USF3: variants seen among roughly 807,000 people sequenced by gnomAD.
The protein encoded by USF3 is upstream transcription factor family member 3.
In USF3, 29 loss-of-function variants were observed where a neutral mutation model predicts 157.5. That is an observed-to-expected ratio of 0.18 (90% CI 0.14 to 0.25). The LOEUF (loss-of-function observed/expected upper bound fraction) is 0.25. USF3 is among the 10% of genes least tolerant of loss of function. The pLI, the probability that USF3 is intolerant of heterozygous loss-of-function variation, is 1.00. For missense variants in USF3, 2,381 were observed against 2,667.6 expected (o/e 0.89, Z 2.37); for synonymous variants, 893 against 941.4 (o/e 0.95, Z 0.94).
chr3:113,685,731 C>A (rs1410130864), intron 1 of USF3, among the ~76,000 whole-genome samples: 2 of 152,196 alleles, frequency 1.3e-5, no homozygotes, highest in East Asian at 3.9e-4. Flanking sequence ...TATTCAAAAC[C>A]CAATGGCTCT....
chr3:113,696,096 C>G (rs1296736507), intron 1 of USF3, among the ~76,000 whole-genome samples: 4 of 152,220 alleles, frequency 2.6e-5, no homozygotes, highest in African/African-American at 4.8e-5. Context: ...CATCTAGGAG[C>G]TGGGGCGCAG....
At chr3:113,668,462 C>CAAAAAAA (rs1250260399) in intron 5 of USF3, among the ~76,000 whole-genome samples, 1 of 123,776 alleles carries the variant, frequency 8.1e-6, no homozygotes, top group Non-Finnish European at 1.8e-5. Context: ...AGCTATCCCA[C>CAAAAAAA]AAAAAAAAAA....
At position 113,659,002 on chromosome 3, in the gene USF3, G is replaced by C; in HGVS notation, c.2680C>G (p.Gln894Glu). 6.2e-7 allele frequency: 1 copy of C among 1,614,134 alleles called. No individual in the cohort carries two copies. Among genetic ancestry groups the C allele is most frequent in the Non-Finnish European group, 8.5e-7 (1 of 1,180,022 alleles). ...AAATGTTCACTTGTTACAGATTCTT[G>C]GGAGGGTGGGCTGGACTTTTCTGCT... ...KSAEKSSPPS[Q>E]ESVTSEHFAM... The change falls in exon 7 of 7, where the codon CAA becomes GAA. Residue 894 changes from glutamine to glutamate, a missense_variant. Around this residue, in one of 6 missense-constraint regions of USF3, gnomAD observed 1,435 missense variants for 1,550.9 expected, o/e 0.93. Transcript: ENST00000316407.
intron 6 of USF3, among the ~76,000 whole-genome samples, chr3:113,663,211 T>C (rs1947513954): frequency 6.6e-6 from 1 of 152,160 alleles, no homozygotes; most frequent in Non-Finnish European, 1.5e-5. Context: ...CTGGCCTGTC[T>C]GGTCAGCTTT....
rs1266464109 is a variant in USF3, at chr3:113,652,108, A to AGAGAGAGTGTGTGTGTGT, written c.*2835_*2836insACACACACACACTCTCTC. 24 of 142,078 alleles carry AGAGAGAGTGTGTGTGTGT rather than the reference A, an allele frequency of 1.7e-4. No homozygotes were observed. Among genetic ancestry groups the AGAGAGAGTGTGTGTGTGT allele is most frequent in the African/African-American group, 6.3e-4 (24 of 38,380 alleles). 8.8% of individuals were successfully genotyped at this position (142,078 alleles called of 1,614,324 possible). ...TGGAGAGAGAGAGAGAGAGAGAGAGAGTGTGTGTGTGTGTGTGTGTGTGTG... is the reference window on the plus strand; with the variant it reads ...TGGAGAGAGAGAGAGAGAGAGAGAGAGAGAGAGTGTGTGTGTGTGTGTGTGTGTGTGTGTGTGTGTGTG... On this transcript the variant is annotated 3_prime_UTR_variant, in exon 7 of 7. Coordinates refer to ENST00000316407, the MANE Select transcript of USF3 (RefSeq NM_001009899.4).
chr3:113,652,496 T>C lies in USF3; in HGVS notation c.*2448A>G, dbSNP rs950309839. The C allele has an allele frequency of 6.6e-6, 1 of 151,790 alleles. No individual in the cohort carries two copies. 9.4% of individuals were successfully genotyped at this position (151,790 alleles called of 1,614,324 possible). A position where few individuals can be genotyped will look rare whatever the true frequency, so the allele number is the denominator to read the frequency against. On this transcript the variant is annotated 3_prime_UTR_variant, in exon 7 of 7. Coordinates refer to ENST00000316407, the MANE Select transcript of USF3 (RefSeq NM_001009899.4). The stretch of plus-strand genomic sequence containing the variant: ...CAAGAAAAAAAAAAATATTGTATAT[T>C]TTTTTGTCCCTAGGAAGCTGCTTAG...
At position 113,655,008 on chromosome 3, in the gene USF3, G is replaced by T. The variant is rs758398840; in HGVS notation, c.6674C>A (p.Ser2225Tyr). Residue 2225 changes from serine (S) to tyrosine (Y), a missense_variant, in exon 7 of 7, where the codon TCC becomes TAC. Coordinates refer to ENST00000316407, the MANE Select transcript of USF3 (RefSeq NM_001009899.4). ...NSSASDSSKQ[S>Y]SNRPAHNISH... ...TATGTTATGGGCAGGTCTGTTTGAGGACTGCTTGGAAGAGTCAGAGGCAGA... is the reference window on the plus strand; with the variant it reads ...TATGTTATGGGCAGGTCTGTTTGAGTACTGCTTGGAAGAGTCAGAGGCAGA... The T allele has an allele frequency of 6.2e-7, 1 of 1,614,130 alleles. No individual in the cohort carries two copies. The highest frequency in any genetic ancestry group is 1.1e-5 in the South Asian group (1 of 91,086).
chr3:113,667,003 C>A (rs1321947299), intron 5 of USF3, among the ~76,000 whole-genome samples: 2 of 152,100 alleles, frequency 1.3e-5, no homozygotes, highest in Non-Finnish European at 2.9e-5. Flanking sequence ...AAGAATGTTG[C>A]AATGAATATT....
chr3:113,693,264 G>A (rs1267356810), intron 1 of USF3, among the ~76,000 whole-genome samples: 1 of 152,150 alleles, frequency 6.6e-6, no homozygotes, highest in Non-Finnish European at 1.5e-5. Context: ...TTCTATTTCT[G>A]CCATGTTGCA....
chr3:113,676,138 T>C (rs146126717), intron 2 of USF3, among the ~76,000 whole-genome samples: 3 of 152,190 alleles, frequency 2.0e-5, no homozygotes, highest in Non-Finnish European at 4.4e-5. Flanking sequence ...AGTTCCAAAC[T>C]TTCCCACATT....
chr3:113,695,482 T>C (rs1443312399), intron 1 of USF3, among the ~76,000 whole-genome samples: 1 of 152,250 alleles, frequency 6.6e-6, no homozygotes, highest in Non-Finnish European at 1.5e-5. Flanking sequence ...AAGAAATCTG[T>C]ACGTTGTTTA....
intron 5 of USF3, among the ~76,000 whole-genome samples, chr3:113,667,275 C>T (rs958965098): frequency 1.4e-4 from 22 of 152,206 alleles, no homozygotes; most frequent in African/African-American, 5.1e-4. Context: ...CCCTCTACTG[C>T]AGACAGGGGC....
chr3:113,659,819 A>G lies in USF3; in HGVS notation c.1863T>C (p.Asn621=), dbSNP rs1351753988. Residue 621 remains asparagine (N), a synonymous_variant, in exon 7 of 7, where the codon AAT becomes AAC. Transcript: ENST00000316407. ...TVIGSNNSVQ[N]VPTPQTFGGK... is the part of the protein sequence containing the mutation. ...CTCCAAAAGTCTGTGGTGTTGGAAC[A>G]TTTTGCACTGAATTATTAGACCCTA... is the stretch of plus-strand genomic sequence containing the variant. 6.2e-7 allele frequency: 1 copy of G among 1,614,224 alleles called. No homozygotes were observed. Among genetic ancestry groups the G allele is most frequent in the Non-Finnish European group, 8.5e-7 (1 of 1,180,040 alleles).
At chr3:113,685,962 G>C (rs1707536889) in intron 1 of USF3, among the ~76,000 whole-genome samples, 1 of 152,144 alleles carries the variant, frequency 6.6e-6, no homozygotes, top group African/African-American at 2.4e-5. Flanking sequence ...GTCTGGAGTT[G>C]GAGGAGTGGT....
At chr3:113,673,293 T>C in intron 4 of USF3, 55 bp downstream of exon 4, 1 of 1,168,946 alleles carries the variant, frequency 8.6e-7, no homozygotes, top group Admixed American at 1.8e-5. Flanking sequence ...AACTGCAGTA[T>C]GATTTCATTT....
rs1947448321 is a variant in USF3, at chr3:113,659,868, G to C, written c.1814C>G (p.Pro605Arg). ...PAPPPGSVRL[P>R]INGANTVIGS... ...TATTACAGTATTGGCTCCATTGATG[G>C]GGAGTCGAACAGAACCAGGAGGTGG... Residue 605 changes from proline to arginine, a missense_variant, in exon 7 of 7, where the codon CCC becomes CGC. By Grantham distance (103) the Pro-to-Arg change is moderately radical. Transcript: ENST00000316407. 1.9e-6 allele frequency: 3 copies of C among 1,614,040 alleles called. No homozygotes were observed. Among genetic ancestry groups the C allele is most frequent in the African/African-American group, 2.7e-5 (2 of 74,912 alleles).
chr3:113,660,516 A>C lies in USF3; in HGVS notation c.1166T>G (p.Leu389Arg). Residue 389 changes from leucine to arginine, a missense_variant, in exon 7 of 7, where the codon CTT becomes CGT. Transcript: ENST00000316407. ...VGKATIPIST[L>R]SGNPLDNGWT... is the part of the protein sequence containing the mutation. ...ACCATTGTCCAAAGGGTTTCCCGAA[A>C]GAGTGCTTATAGGAATGGTGGCCTT... 1 of 1,614,210 alleles carries C rather than the reference A, an allele frequency of 6.2e-7. No homozygotes were observed. The highest frequency in any genetic ancestry group is 8.5e-7 in the Non-Finnish European group (1 of 1,180,038).
chr3:113,696,587 G>A lies in USF3; in HGVS notation c.-352C>T, dbSNP rs1019278343. ...TCTTTTTGCGGCCACCGCAGCCGCTGCGAGCCCGAGCCCTCAAGGCCGGAG... is the reference window on the plus strand; with the variant it reads ...TCTTTTTGCGGCCACCGCAGCCGCTACGAGCCCGAGCCCTCAAGGCCGGAG... On this transcript the variant is annotated 5_prime_UTR_variant, in exon 1 of 7. Coordinates refer to ENST00000316407, the MANE Select transcript of USF3 (RefSeq NM_001009899.4). 1 of 148,450 alleles carries A rather than the reference G, an allele frequency of 6.7e-6. No individual in the cohort carries two copies. Among genetic ancestry groups the A allele is most frequent in the African/African-American group, 2.5e-5 (1 of 39,754 alleles). The allele number at this position is 148,450 out of a possible 1,614,324, so 9.2% of individuals were successfully genotyped here. A position where few individuals can be genotyped will look rare whatever the true frequency, so the allele number is the denominator to read the frequency against.
In USF3 at chr3:113,657,326, G is replaced by T; in HGVS notation, c.4356C>A (p.His1452Gln). Residue 1452 changes from histidine to glutamine, a missense_variant, in exon 7 of 7, where the codon CAC (histidine) becomes CAA (glutamine). Physicochemically the swap from His to Gln is conservative, Grantham distance 24. Transcript: ENST00000316407. ...QQHVPAQGVS[H>Q]LHSNHLYIKQ... ...TTATGTAGAGATGGTTACTATGAAG[G>T]TGAGATACACCTTGAGCTGGAACAT... 2 of 1,613,594 alleles carry T rather than the reference G, an allele frequency of 1.2e-6. No homozygotes were observed. The highest frequency in any genetic ancestry group is 2.2e-5 in the South Asian group (2 of 91,026).
Sources: gnomAD v4.1 joint callset for allele counts (sites outside exome capture counted in the v4.1 genomes callset) on GRCh38, gnomAD v4.1.1 for gene constraint, gnomAD v4.1.1 regional missense constraint, MANE v1.5 for transcripts, NCBI Gene and HGNC (gene_info 2026-07-23, HGNC 2026-07-21) for gene names.